The following BTBD9 variants were observed in gnomAD, a reference collection of about 807,000 sequenced individuals.
BTBD9 encodes the protein BTB/POZ domain-containing protein 9.
A neutral mutation model predicts 64.3 loss-of-function variants in BTBD9; 49 were observed. That is an observed-to-expected ratio of 0.76 (90% confidence interval 0.61 to 0.97). The LOEUF is 0.97. Among genes scored for constraint, BTBD9 ranks in the 50% least tolerant of loss-of-function variants. The pLI is 0.00. For missense variants in BTBD9, 598 were observed against 762.1 expected, an observed-to-expected ratio of 0.78 and a Z score of 2.53; for synonymous variants, 260 against 274.7, an observed-to-expected ratio of 0.95 and a Z score of 0.53.
intron 9 of BTBD9, among the ~76,000 whole-genome samples, chr6:38,236,093 T>G (rs980461695): frequency 6.6e-6 from 1 of 152,158 alleles, no homozygotes; most frequent in African/African-American, 2.4e-5. Context: ...AAAACATAAG[T>G]TAGATGTTCT....
At chr6:38,519,929 C>A (rs1307063902) in intron 6 of BTBD9, among the ~76,000 whole-genome samples, 2 of 152,106 alleles carry the variant, frequency 1.3e-5, no homozygotes, top group Non-Finnish European at 2.9e-5. Flanking sequence ...AGAAAGATAA[C>A]CACTGTAGCA....
chr6:38,617,788 T>A (rs894362030), intron 1 of BTBD9, among the ~76,000 whole-genome samples: 1 of 152,184 alleles, frequency 6.6e-6, no homozygotes, highest in Admixed American at 6.5e-5. Flanking sequence ...TTTTGAGGCA[T>A]ATCATCTTCA....
At chr6:38,482,074 A>G (rs1405307140) in intron 6 of BTBD9, 2 of 152,248 alleles carry the variant, frequency 1.3e-5, no homozygotes, top group Non-Finnish European at 2.9e-5. Context: ...CAGTCCAAGA[A>G]GAAAGCATTT....
chr6:38,290,931 A>G (rs1261039375), intron 7 of BTBD9, among the ~76,000 whole-genome samples: 1 of 152,216 alleles, frequency 6.6e-6, no homozygotes, highest in Non-Finnish European at 1.5e-5. Flanking sequence ...TCAAGTATTT[A>G]AAGTATTTCA....
At chr6:38,352,505 A>G (rs1476637040) in intron 6 of BTBD9, among the ~76,000 whole-genome samples, 1 of 152,266 alleles carries the variant, frequency 6.6e-6, no homozygotes, top group Admixed American at 6.5e-5. Flanking sequence ...AGATGAAAAC[A>G]TATCAAACTA....
intron 9 of BTBD9, among the ~76,000 whole-genome samples, chr6:38,245,869 C>G (rs1483566690): frequency 6.6e-6 from 1 of 152,104 alleles, no homozygotes; most frequent in Non-Finnish European, 1.5e-5. Flanking sequence ...TTTGTGTGCT[C>G]ACACAGCTCA....
At chr6:38,403,450 C>T (rs547589404) in intron 6 of BTBD9, among the ~76,000 whole-genome samples, 4 of 152,262 alleles carry the variant, frequency 2.6e-5, no homozygotes, top group East Asian at 1.9e-4. Context: ...CCAAATAAAA[C>T]CCTGTAAATC....
chr6:38,366,835 A>T (rs1765201722), intron 6 of BTBD9, among the ~76,000 whole-genome samples: 1 of 152,214 alleles, frequency 6.6e-6, no homozygotes, highest in Non-Finnish European at 1.5e-5. Context: ...TTCACGTGAT[A>T]TATGCTCAGT....
intron 7 of BTBD9, among the ~76,000 whole-genome samples, chr6:38,328,713 C>A (rs571416217): frequency 6.6e-6 from 1 of 151,456 alleles, no homozygotes; most frequent in African/African-American, 2.4e-5. Flanking sequence ...TTTGGGAGGC[C>A]GAGGTGGGTG....
At chr6:38,553,549 A>G (rs1386694531) in intron 6 of BTBD9, among the ~76,000 whole-genome samples, 1 of 152,226 alleles carries the variant, frequency 6.6e-6, no homozygotes, top group Admixed American at 6.5e-5. Context: ...AAAGATCAAG[A>G]GCAAAAAGTC....
At chr6:38,556,880 A>C (rs2127453135) in intron 6 of BTBD9, among the ~76,000 whole-genome samples, 1 of 150,760 alleles carries the variant, frequency 6.6e-6, no homozygotes, top group Admixed American at 6.6e-5. Flanking sequence ...AGCCAGATGT[A>C]GTGGCGCCTG....
At chr6:38,501,680 G>A (rs1433956398) in intron 6 of BTBD9, among the ~76,000 whole-genome samples, 1 of 152,232 alleles carries the variant, frequency 6.6e-6, no homozygotes, top group East Asian at 1.9e-4. Flanking sequence ...TCTGAATTCA[G>A]AGAAGTTATT....
Position 38,596,694 on chromosome 6 carries a change from G to C in BTBD9, c.185+1216C>G, listed in dbSNP as rs9380757. Among the ~76,000 whole-genome samples the C allele has an allele frequency of 3.3e-5, 5 of 151,914 alleles. No individual in the cohort carries two copies. In the South Asian group the frequency reaches 1.0e-3, roughly 32 times the overall value. ...CAGGCGCCCGTAGTCCCAGCTACTC[G>C]GGAGGCTGAGGCAGGAGAATGGCGT... On this transcript the variant is annotated intron_variant, in intron 2 of 10. Coordinates refer to ENST00000481247, the MANE Select transcript of BTBD9 (RefSeq NM_001099272.2).
intron 8 of BTBD9, among the ~76,000 whole-genome samples, chr6:38,287,408 G>A (rs1008069668): frequency 6.6e-6 from 1 of 151,898 alleles, no homozygotes; most frequent in South Asian, 2.1e-4. Flanking sequence ...GCCTCCCAAA[G>A]TGCTGAGATT....
chr6:38,171,675 T>G lies in BTBD9; in HGVS notation c.*3310A>C, dbSNP rs1250490834. On this transcript the variant is annotated 3_prime_UTR_variant, in exon 11 of 11. Coordinates refer to ENST00000481247, the MANE Select transcript of BTBD9 (RefSeq NM_001099272.2). ...AGTCCAAAGTGCTCACAACGGCTCC[T>G]GTGAGACTGCCCTGCTGGGTGCTGG... 1 of 150,384 alleles carries G rather than the reference T, an allele frequency of 6.6e-6. No homozygotes were observed. Among genetic ancestry groups the G allele is most frequent in the African/African-American group, 2.5e-5 (1 of 40,702 alleles). The allele number at this position is 150,384 out of a possible 1,614,324, so 9.3% of individuals were successfully genotyped here.
At chr6:38,417,664 C>G (rs1767725293) in intron 6 of BTBD9, among the ~76,000 whole-genome samples, 2 of 151,922 alleles carry the variant, frequency 1.3e-5, no homozygotes, top group Non-Finnish European at 2.9e-5. Flanking sequence ...GTCCCAGCTA[C>G]TTGGGGGCTG....
intron 6 of BTBD9, among the ~76,000 whole-genome samples, chr6:38,469,322 CT>C (rs11432881): frequency 0.016 from 2,085 of 127,480 alleles, 32 homozygotes; most frequent in African/African-American, 0.053. Context: ...TTTTTTTTTC[CT>C]TTTTTTTTTT....
At chr6:38,565,842 T>C (rs1430005404) in intron 6 of BTBD9, 1 of 152,228 alleles carries the variant, frequency 6.6e-6, no homozygotes, top group East Asian at 1.9e-4. Context: ...TGTTCTGTAA[T>C]TGCAAAACTG....
chr6:38,612,123 T>C (rs1777634882), intron 1 of BTBD9, among the ~76,000 whole-genome samples: 1 of 152,178 alleles, frequency 6.6e-6, no homozygotes, highest in African/African-American at 2.4e-5. Flanking sequence ...GGTGCATAGG[T>C]GTGCATTTTC....
Sources: allele counts gnomAD v4.1 joint callset (sites outside exome capture counted in the v4.1 genomes callset), GRCh38; gene constraint gnomAD v4.1.1; transcripts MANE v1.5; gene names NCBI Gene and HGNC (gene_info 2026-07-23, HGNC 2026-07-21).